The following SFMBT1 variants were observed in gnomAD, a reference collection of about 807,000 sequenced individuals.
SFMBT1 encodes Scm like with four mbt domains 1.
SFMBT1 carries 32 observed loss-of-function variants against 108.7 expected under a neutral mutation model. The ratio of observed to expected loss-of-function variants is 0.29; its 90% CI spans 0.22 to 0.40. The LOEUF (loss-of-function observed/expected upper bound fraction) is 0.40, where lower values mean the gene tolerates loss of function less well. Ranked by LOEUF, SFMBT1 falls within the 10% of genes least tolerant of loss-of-function variation. SFMBT1 has a pLI of 1.00. For synonymous variants in SFMBT1, 348 were observed against 369.5 expected (o/e 0.94, Z 0.67); for missense variants, 816 against 1,059.6 (o/e 0.77, Z 3.19).
intron 2 of SFMBT1, among the ~76,000 whole-genome samples, chr3:52,963,183 T>C (rs1366828241): frequency 6.6e-6 from 1 of 151,662 alleles, no homozygotes; most frequent in Non-Finnish European, 1.5e-5. Flanking sequence ...TTAGTAGAGA[T>C]GGGGTTTTAC....
chr3:53,024,287 T>C (rs922982491), intron 1 of SFMBT1, among the ~76,000 whole-genome samples: 4 of 150,676 alleles, frequency 2.7e-5, no homozygotes, highest in Admixed American at 2.6e-4. Flanking sequence ...GTCACTGAGA[T>C]GATTTTGGGG....
chr3:52,984,726 CTGTGTGTGTGTGTGTGTGTG>C (rs57308874), intron 1 of SFMBT1, among the ~76,000 whole-genome samples: 18 of 140,198 alleles, frequency 1.3e-4, no homozygotes, highest in African/African-American at 3.5e-4. Context: ...ATACTAAATA[CTGTGTGTGTGTGTGTGTGTG>C]TGTGTGTGTG....
At chr3:52,934,984 A>C in intron 4 of SFMBT1, 83 bp from the exon 5 acceptor site, 1 of 1,110,990 alleles carries the variant, frequency 9.0e-7, no homozygotes, top group African/African-American at 1.5e-5. Context: ...GATGGTTTAA[A>C]GGTATTTCAC....
intron 1 of SFMBT1, among the ~76,000 whole-genome samples, chr3:53,031,117 T>A (rs971729113): frequency 3.3e-5 from 5 of 152,300 alleles, no homozygotes; most frequent in African/African-American, 1.2e-4. Flanking sequence ...CAACTCCTCA[T>A]ATAGATACAG....
chr3:52,998,310 T>G (rs1256052433), intron 1 of SFMBT1, among the ~76,000 whole-genome samples: 4 of 150,018 alleles, frequency 2.7e-5, no homozygotes. Context: ...GAGAATGGCA[T>G]GAACCCAGGA....
intron 1 of SFMBT1, among the ~76,000 whole-genome samples, chr3:52,972,841 A>AACACACAC (rs55688451): frequency 0.017 from 1,996 of 118,894 alleles, 104 homozygotes; most frequent in African/African-American, 0.059. Flanking sequence ...ATCTCTACTA[A>AACACACAC]ACACACACAC....
intron 2 of SFMBT1, among the ~76,000 whole-genome samples, chr3:52,964,770 T>G (rs1463218379): frequency 6.6e-5 from 10 of 152,278 alleles, no homozygotes; most frequent in African/African-American, 1.9e-4. Flanking sequence ...CAAAGGTACA[T>G]GACGTCACAT....
At chr3:53,037,553 G>A (rs1383354306) in intron 1 of SFMBT1, among the ~76,000 whole-genome samples, 3 of 152,204 alleles carry the variant, frequency 2.0e-5, no homozygotes, top group Admixed American at 6.5e-5. Flanking sequence ...ATTACATTAA[G>A]AGATCAAGGG....
At chr3:53,041,417 G>T (rs557400358) in intron 1 of SFMBT1, among the ~76,000 whole-genome samples, 1 of 151,926 alleles carries the variant, frequency 6.6e-6, no homozygotes, top group African/African-American at 2.4e-5. Flanking sequence ...ATCATTTTCC[G>T]CGAGGCGCGG....
chr3:52,993,396 T>C (rs1174600903), intron 1 of SFMBT1, among the ~76,000 whole-genome samples: 2 of 150,378 alleles, frequency 1.3e-5, no homozygotes, highest in African/African-American at 4.8e-5. Context: ...TGGCACAGAC[T>C]AGCTGTTCTG....
chr3:53,011,707 G>A (rs575040142), intron 1 of SFMBT1, among the ~76,000 whole-genome samples: 13 of 152,290 alleles, frequency 8.5e-5, no homozygotes, highest in African/African-American at 3.1e-4. Flanking sequence ...ATAAATACTG[G>A]TGCCACTGAA....
intron 15 of SFMBT1, among the ~76,000 whole-genome samples, chr3:52,913,189 T>C (rs1401580102): frequency 1.3e-5 from 2 of 152,218 alleles, no homozygotes; most frequent in African/African-American, 4.8e-5. Flanking sequence ...CTTTCAGTCA[T>C]AGAGTAACCT....
chr3:52,934,744 A>G, intron 5 of SFMBT1, 69 bp downstream of exon 5: 2 of 1,326,058 alleles, frequency 1.5e-6, no homozygotes, highest in Non-Finnish European at 2.1e-6. Context: ...TAAATAAGCA[A>G]CCGATTTTAA....
chr3:52,903,650 TGAG>T lies in SFMBT1; in HGVS notation c.*1483_*1485del, dbSNP rs577586404. On this transcript the variant is annotated 3_prime_UTR_variant, in exon 21 of 21. Coordinates refer to ENST00000394752, the MANE Select transcript of SFMBT1 (RefSeq NM_016329.4). ...GCAGGATTAAAACATTTTCAAATCT[TGAG>T]GAAGAATGATTGGGTTATAAATTTG... 1 of 152,320 alleles carries T rather than the reference TGAG, an allele frequency of 6.6e-6. No individual in the cohort carries two copies. The highest frequency in any genetic ancestry group is 2.1e-4 in the South Asian group (1 of 4,834). The allele number at this position is 152,320 out of a possible 1,614,324, so 9.4% of individuals were successfully genotyped here.
intron 1 of SFMBT1, among the ~76,000 whole-genome samples, chr3:53,014,032 T>C (rs976698334): frequency 3.3e-5 from 5 of 152,136 alleles, no homozygotes; most frequent in Non-Finnish European, 7.4e-5. Flanking sequence ...ACCTCTTCCA[T>C]CCCACCACCA....
chr3:52,942,123 G>A (rs941817283), intron 4 of SFMBT1, among the ~76,000 whole-genome samples: 1 of 151,996 alleles, frequency 6.6e-6, no homozygotes, highest in Non-Finnish European at 1.5e-5. Flanking sequence ...AAAAATACTA[G>A]AAAGTGATAT....
chr3:53,006,280 G>A (rs542158711), intron 1 of SFMBT1, among the ~76,000 whole-genome samples: 1 of 152,274 alleles, frequency 6.6e-6, no homozygotes, highest in South Asian at 2.1e-4. Flanking sequence ...TGTTCAGGAC[G>A]GAATGGGGAG....
At chr3:52,956,334 C>T (rs944288209) in intron 2 of SFMBT1, among the ~76,000 whole-genome samples, 1 of 152,184 alleles carries the variant, frequency 6.6e-6, no homozygotes, top group Non-Finnish European at 1.5e-5. Context: ...GCGGCACGCA[C>T]CTGTAGTCCC....
chr3:53,020,761 T>A (rs1699278133), intron 1 of SFMBT1, among the ~76,000 whole-genome samples: 1 of 152,048 alleles, frequency 6.6e-6, no homozygotes, highest in Non-Finnish European at 1.5e-5. Context: ...TTTTCCATAC[T>A]AAGTAAAAGT....
Sources: allele counts gnomAD v4.1 joint callset (sites outside exome capture counted in the v4.1 genomes callset), GRCh38; gene constraint gnomAD v4.1.1; transcripts MANE v1.5; gene names NCBI Gene and HGNC (gene_info 2026-07-23, HGNC 2026-07-21).